Variants in MMP26 observed in about 807,000 individuals in gnomAD.
MMP26 encodes matrix metalloproteinase-26.
MMP26 carries 33 observed loss-of-function variants against 31.0 expected under a neutral mutation model. That is an observed-to-expected ratio of 1.06 (90% confidence interval 0.81 to 1.42). MMP26 has a LOEUF of 1.42. Ranked by LOEUF, MMP26 falls within the 40% of genes most tolerant of loss-of-function variation. MMP26 has a pLI of 0.00. For synonymous variants in MMP26, 122 were observed against 114.9 expected (o/e 1.06, Z -0.40); for missense variants, 347 against 316.1 (o/e 1.10, Z -0.74).
At chr11:4,814,015 C>T (rs1394406970) in intron 2 of MMP26, among the ~76,000 whole-genome samples, 3 of 151,998 alleles carry the variant, frequency 2.0e-5, no homozygotes, top group South Asian at 2.1e-4. Context: ...AGGGTCAATG[C>T]GCATATGAAA....
chr11:4,990,982 C>A (rs1012572256), intron 5 of MMP26, among the ~76,000 whole-genome samples: 1 of 152,122 alleles, frequency 6.6e-6, no homozygotes, highest in Admixed American at 6.5e-5. Context: ...TGCACATTTT[C>A]CTTCCAAAAA....
At position 4,821,643 on chromosome 11, in the gene MMP26, C is replaced by CT. The variant is rs1849502037; in HGVS notation, c.-145+54304dup. On this transcript the variant is annotated intron_variant, in intron 2 of 7. Transcript: ENST00000380390. ...CTATGCTTTCAGCCACAGACCTGAG[C>CT]TTGTCCCTGTGTACACTTTCTACTA... 2.4e-5 allele frequency: 38 copies of CT among 1,613,952 alleles called. 1 individual carries two copies. The highest frequency in any genetic ancestry group is 3.2e-5 in the Non-Finnish European group (38 of 1,179,962).
In MMP26 at chr11:4,954,416, G is replaced by T. The variant is rs1298583933; in HGVS notation, c.-144-33652G>T. On this transcript the variant is annotated intron_variant, in intron 2 of 7. Transcript: ENST00000380390. ...AGAGACAGATATAATATAAAATTTGGGTCTAGCAGTAAAAGAACCTGGTAT... is the reference window on the plus strand; with the variant it reads ...AGAGACAGATATAATATAAAATTTGTGTCTAGCAGTAAAAGAACCTGGTAT... Among the ~76,000 whole-genome samples, 19 of 124,970 alleles carry T rather than the reference G, an allele frequency of 1.5e-4. 4 individuals are homozygous for T. In the South Asian group the frequency reaches 4.3e-3, roughly 29 times the overall value. The allele number at this position is 124,970 out of a possible 152,430, so 82.0% of individuals were successfully genotyped here.
intron 2 of MMP26, chr11:4,913,876 C>T (rs1851030636): frequency 6.6e-6 from 1 of 152,166 alleles, no homozygotes; most frequent in Admixed American, 6.5e-5. Flanking sequence ...TCCCTTAAGG[C>T]TATTACTGTG....
chr11:4,809,936 A>G (rs559055638), intron 2 of MMP26, among the ~76,000 whole-genome samples: 6 of 148,304 alleles, frequency 4.0e-5, no homozygotes, highest in African/African-American at 1.2e-4. Flanking sequence ...CAAGCATGGC[A>G]TGGCCAGAAG....
intron 2 of MMP26, among the ~76,000 whole-genome samples, chr11:4,926,846 C>G (rs1036931837): frequency 6.6e-6 from 1 of 152,164 alleles, no homozygotes; most frequent in Admixed American, 6.5e-5. Context: ...AAGCCTAGCA[C>G]AGATTTGGAA....
At position 4,906,390 on chromosome 11, in the gene MMP26, C is replaced by T. The variant is rs576574783; in HGVS notation, c.-144-81678C>T. 8.9e-4 allele frequency among the ~76,000 whole-genome samples: 136 copies of T among 152,160 alleles called. 1 individual carries two copies. The highest frequency in any genetic ancestry group is 2.0e-3 in the African/African-American group (82 of 41,522). ...TATTCATTTTACAGATTTAAAATAA[C>T]GCCCAAATAAGTTAAATAATTTAAA... On this transcript the variant is annotated intron_variant, in intron 2 of 7. Transcript: ENST00000380390.
At chr11:4,943,396 G>A (rs1447861561) in intron 2 of MMP26, 2 of 425,548 alleles carry the variant, frequency 4.7e-6, no homozygotes, top group Non-Finnish European at 9.4e-6. Context: ...GTATCAGATT[G>A]CCCCTAGGTG....
chr11:4,849,186 A>C (rs770275280), intron 2 of MMP26: 1 of 1,611,732 alleles, frequency 6.2e-7, no homozygotes, highest in South Asian at 1.1e-5. Flanking sequence ...ATTGGGGGCT[A>C]TCTGAGTTGG....
intron 2 of MMP26, among the ~76,000 whole-genome samples, chr11:4,981,892 G>A (rs1015041320): frequency 3.3e-5 from 5 of 150,974 alleles, no homozygotes; most frequent in Non-Finnish European, 7.4e-5. Context: ...GGCCTACACA[G>A]GCTCAGGATC....
chr11:4,738,058 A>G (rs116107432), intron 1 of MMP26, among the ~76,000 whole-genome samples: 1,625 of 152,214 alleles, frequency 0.011, 28 homozygotes, highest in African/African-American at 0.035. Context: ...CCTTTCAAGC[A>G]GTAGGACTAC....
At chr11:4,788,423 A>C (rs1175420446) in intron 2 of MMP26, among the ~76,000 whole-genome samples, 1 of 152,106 alleles carries the variant, frequency 6.6e-6, no homozygotes, top group Non-Finnish European at 1.5e-5. Flanking sequence ...CAATTCACAC[A>C]TAAACAAGGA....
chr11:4,759,615 T>A (rs1176094653), intron 1 of MMP26, among the ~76,000 whole-genome samples: 2 of 152,232 alleles, frequency 1.3e-5, no homozygotes, highest in Non-Finnish European at 2.9e-5. Context: ...CGTGCTAATT[T>A]CTTAAATTTA....
intron 2 of MMP26, among the ~76,000 whole-genome samples, chr11:4,957,012 A>G (rs892570731): frequency 7.9e-5 from 12 of 152,200 alleles, no homozygotes; most frequent in Non-Finnish European, 1.8e-4. Flanking sequence ...AATTTTTCTC[A>G]AGATCAAGTC....
rs1393888817 is a variant in MMP26, at chr11:4,946,620, A to T, written c.-144-41448A>T. ...CTCAAGTTTCTTAAAGTGAAAGGGA[A>T]GGGAAGAACCAGGAGCATGCTCTTA... On this transcript the variant is annotated intron_variant, in intron 2 of 7. Coordinates refer to ENST00000380390, the MANE Select transcript of MMP26 (RefSeq NM_021801.5). 1.3e-6 allele frequency: 2 copies of T among 1,570,286 alleles called. 1 individual carries two copies. The highest frequency in any genetic ancestry group is 2.7e-5 in the African/African-American group (2 of 72,852).
At chr11:4,856,245 CT>C (rs1215609034) in intron 2 of MMP26, among the ~76,000 whole-genome samples, 2 of 152,140 alleles carry the variant, frequency 1.3e-5, no homozygotes, top group African/African-American at 4.8e-5. Flanking sequence ...TGTAGATGGG[CT>C]AAATGTTCCA....
intron 1 of MMP26, among the ~76,000 whole-genome samples, chr11:4,749,697 A>C (rs1193370461): frequency 6.6e-6 from 1 of 152,130 alleles, no homozygotes; most frequent in East Asian, 1.9e-4. Context: ...AACCCTATTA[A>C]ATAAATGGTG....
intron 1 of MMP26, among the ~76,000 whole-genome samples, chr11:4,743,360 T>G (rs1284732559): frequency 6.6e-6 from 1 of 152,202 alleles, no homozygotes; most frequent in Non-Finnish European, 1.5e-5. Context: ...CCTTATGTGC[T>G]AAATTATGAA....
intron 2 of MMP26, among the ~76,000 whole-genome samples, chr11:4,935,746 G>T (rs1277649738): frequency 6.7e-6 from 1 of 149,974 alleles, no homozygotes; most frequent in Non-Finnish European, 1.5e-5. Flanking sequence ...TTTGAAATAC[G>T]TCCCATCAAT....
Sources: gnomAD v4.1 joint callset for allele counts (sites outside exome capture counted in the v4.1 genomes callset) on GRCh38, gnomAD v4.1.1 for gene constraint, MANE v1.5 for transcripts, NCBI Gene and HGNC (gene_info 2026-07-23, HGNC 2026-07-21) for gene names.